The following KLF7 variants were observed in gnomAD, a reference collection of about 807,000 sequenced individuals.
The protein encoded by KLF7 is KLF transcription factor 7, also known as Krueppel-like factor 7.
KLF7 carries 2 observed loss-of-function variants against 27.3 expected under a neutral mutation model. That is an observed-to-expected ratio of 0.07 (90% CI 0.03 to 0.23). The LOEUF (loss-of-function observed/expected upper bound fraction) is 0.23, where lower values mean the gene tolerates loss of function less well. KLF7 is among the 10% of genes least tolerant of loss of function. The pLI is 1.00. For synonymous variants in KLF7, 165 were observed against 162.4 expected, an observed-to-expected ratio of 1.02 and a Z score of -0.12; for missense variants, 221 against 394.1, an observed-to-expected ratio of 0.56 and a Z score of 3.72.
chr2:207,141,709 A>G (rs1046139204), intron 1 of KLF7, among the ~76,000 whole-genome samples: 4 of 152,174 alleles, frequency 2.6e-5, no homozygotes, highest in Non-Finnish European at 5.9e-5. Context: ...GAGACAAGCA[A>G]AGGGCCCACA....
At chr2:207,141,322 C>T (rs187792149) in intron 1 of KLF7, among the ~76,000 whole-genome samples, 4 of 152,294 alleles carry the variant, frequency 2.6e-5, no homozygotes, top group African/African-American at 9.6e-5. Context: ...TACAAGACCA[C>T]ATACTTGTCC....
chr2:207,162,183 T>C (rs1226090518), intron 1 of KLF7, among the ~76,000 whole-genome samples: 1 of 152,204 alleles, frequency 6.6e-6, no homozygotes, highest in Non-Finnish European at 1.5e-5. Context: ...AAAAAAAGAT[T>C]ATGATTTCTA....
the KLF7 span, among the ~76,000 whole-genome samples, chr2:207,173,441 C>T: frequency 1.3e-5 from 2 of 151,774 alleles, no homozygotes; most frequent in South Asian, 4.2e-4. Context: ...TAGCATGGGT[C>T]TGACTTCCTA....
At chr2:207,105,280 T>A (rs911025977) in intron 2 of KLF7, among the ~76,000 whole-genome samples, 12 of 152,204 alleles carry the variant, frequency 7.9e-5, no homozygotes, top group Admixed American at 7.9e-4. Context: ...AGGTACTGAC[T>A]GGGCTGGAGT....
At chr2:207,158,230 TG>T (rs2078445136) in intron 1 of KLF7, among the ~76,000 whole-genome samples, 1 of 152,118 alleles carries the variant, frequency 6.6e-6, no homozygotes, top group African/African-American at 2.4e-5. Context: ...AAAAAGTAAC[TG>T]GGGAAAAACT....
chr2:207,077,519 G>C lies in KLF7; in HGVS notation c.*3694C>G, dbSNP rs1472150462. On this transcript the variant is annotated 3_prime_UTR_variant, in exon 4 of 4. Coordinates refer to ENST00000309446, the MANE Select transcript of KLF7 (RefSeq NM_003709.4). ...CGTCGAGAGAAGAGGATATTTGAAG[G>C]GCTTTGCAAGGGAAAGCACACAGAG... 6.6e-6 allele frequency: 1 copy of C among 152,160 alleles called. No homozygotes were observed. The highest frequency in any genetic ancestry group is 1.5e-5 in the Non-Finnish European group (1 of 68,034). 9.4% of individuals were successfully genotyped at this position (152,160 alleles called of 1,614,324 possible).
intron 2 of KLF7, among the ~76,000 whole-genome samples, chr2:207,095,732 A>T (rs2076614476): frequency 6.6e-6 from 1 of 152,200 alleles, no homozygotes; most frequent in African/African-American, 2.4e-5. Flanking sequence ...TCACCATTGA[A>T]AATTTAGCAT....
At chr2:207,141,975 C>G (rs1014971222) in intron 1 of KLF7, among the ~76,000 whole-genome samples, 3 of 151,876 alleles carry the variant, frequency 2.0e-5, no homozygotes, top group Admixed American at 6.6e-5. Flanking sequence ...CCTCCTGCCC[C>G]GCAGTACTCG....
At chr2:207,134,154 A>ACTTT in intron 1 of KLF7, 2 of 1,141,046 alleles carry the variant, frequency 1.8e-6, no homozygotes, top group Non-Finnish European at 2.3e-6. Flanking sequence ...GGCTACTGGG[A>ACTTT]TTTTTTTTTT....
At chr2:207,164,046 A>T (rs2078627205) in intron 1 of KLF7, among the ~76,000 whole-genome samples, 1 of 152,284 alleles carries the variant, frequency 6.6e-6, no homozygotes. Flanking sequence ...ACACAGAGAC[A>T]CCAGACGCCA....
chr2:207,135,558 A>C (rs1044703289), intron 1 of KLF7, among the ~76,000 whole-genome samples: 1 of 152,204 alleles, frequency 6.6e-6, no homozygotes, highest in Non-Finnish European at 1.5e-5. Flanking sequence ...AGCCTGCCTC[A>C]AGCATTTGTC....
At chr2:207,107,109 G>A (rs752122539) in intron 2 of KLF7, among the ~76,000 whole-genome samples, 10 of 152,102 alleles carry the variant, frequency 6.6e-5, no homozygotes, top group East Asian at 1.9e-4. Context: ...TACCTGCCCC[G>A]TAGGAAGGGA....
At chr2:207,121,123 C>G (rs893336334) in intron 2 of KLF7, 1 of 152,198 alleles carries the variant, frequency 6.6e-6, no homozygotes, top group African/African-American at 2.4e-5. Context: ...GGAGGAAAGC[C>G]ATGATCTTTC....
chr2:207,080,780 C>T lies in KLF7; in HGVS notation c.*433G>A, dbSNP rs1344223222. The T allele has an allele frequency of 2.5e-6, 1 of 401,140 alleles. No individual in the cohort carries two copies. The highest frequency in any genetic ancestry group is 3.5e-5 in the East Asian group (1 of 28,198). The allele number at this position is 401,140 out of a possible 1,614,324, so 24.8% of individuals were successfully genotyped here. On this transcript the variant is annotated 3_prime_UTR_variant, in exon 4 of 4. Coordinates refer to ENST00000309446, the MANE Select transcript of KLF7 (RefSeq NM_003709.4). ...ATGCAACTTTAAGATGCTGGATTCT[C>T]CTATCAAGTTGCACTGAGAAGCAAG...
At chr2:207,113,442 T>A (rs370628120) in intron 2 of KLF7, among the ~76,000 whole-genome samples, 1 of 152,332 alleles carries the variant, frequency 6.6e-6, no homozygotes, top group African/African-American at 2.4e-5. Flanking sequence ...TTTGCACTTA[T>A]GCTCCATTAA....
chr2:207,115,703 G>T (rs1041372841), intron 2 of KLF7, among the ~76,000 whole-genome samples: 1 of 152,086 alleles, frequency 6.6e-6, no homozygotes, highest in Non-Finnish European at 1.5e-5. Context: ...GGAGTAAAGT[G>T]GGGGAATGCC....
At chr2:207,138,608 C>A (rs1372220708) in intron 1 of KLF7, among the ~76,000 whole-genome samples, 1 of 152,150 alleles carries the variant, frequency 6.6e-6, no homozygotes, top group East Asian at 1.9e-4. Context: ...TGACAGATCC[C>A]ATGGAAATGT....
At chr2:207,148,400 G>C (rs2078154515) in intron 1 of KLF7, among the ~76,000 whole-genome samples, 1 of 152,206 alleles carries the variant, frequency 6.6e-6, no homozygotes, top group Admixed American at 6.5e-5. Flanking sequence ...GGCACAGCAA[G>C]AGAGGCTCCT....
At chr2:207,118,054 T>C (rs2077235730) in intron 2 of KLF7, among the ~76,000 whole-genome samples, 1 of 152,214 alleles carries the variant, frequency 6.6e-6, no homozygotes, top group Non-Finnish European at 1.5e-5. Context: ...CTGAGTAGGA[T>C]GTAAGCCTAT....
Sources: allele counts gnomAD v4.1 joint callset (sites outside exome capture counted in the v4.1 genomes callset), GRCh38; gene constraint gnomAD v4.1.1; transcripts MANE v1.5; gene names NCBI Gene and HGNC (gene_info 2026-07-23, HGNC 2026-07-21).